Variants in NRF1 observed in about 807,000 individuals in gnomAD.
NRF1 encodes alpha palindromic-binding protein.
Under a neutral mutation model 58.5 loss-of-function variants are expected in NRF1, and 5 were observed. That is an observed-to-expected ratio of 0.09 (90% confidence interval 0.04 to 0.18). The LOEUF is 0.18. Ranked by LOEUF, NRF1 falls within the 10% of genes least tolerant of loss-of-function variation. The pLI, the probability that NRF1 is intolerant of heterozygous loss-of-function variation, is 1.00. For synonymous variants in NRF1, 224 were observed against 246.7 expected (o/e 0.91, Z 0.86); for missense variants, 288 against 657.7 (o/e 0.44, Z 6.15).
At chr7:129,658,414 C>G (rs1369158630) in intron 2 of NRF1, among the ~76,000 whole-genome samples, 1 of 151,868 alleles carries the variant, frequency 6.6e-6, no homozygotes, top group African/African-American at 2.4e-5. Flanking sequence ...CAATGTAGTG[C>G]AATCCCATCT....
At chr7:129,729,473 C>G (rs143490240) in intron 10 of NRF1, among the ~76,000 whole-genome samples, 56 of 152,340 alleles carry the variant, frequency 3.7e-4, no homozygotes, top group African/African-American at 1.3e-3. Flanking sequence ...TCTGTGACTG[C>G]CAGTACTTGC....
rs755171700 is a variant in NRF1, at chr7:129,711,587, G to A, written c.1065+11G>A. 4 of 1,593,062 alleles carry A rather than the reference G, an allele frequency of 2.5e-6. No homozygotes were observed. The South Asian group carries it at 3.4e-5, about 13-fold the overall frequency. On this transcript the variant is annotated intron_variant, in intron 8 of 10. Transcript: ENST00000393232. ...GTGGCTGATGGAGAGGTAAGAAAGAGATTCCATCTGCATCTTCTTAAATAC... is the reference window on the plus strand; with the variant it reads ...GTGGCTGATGGAGAGGTAAGAAAGAAATTCCATCTGCATCTTCTTAAATAC...
chr7:129,673,831 A>T (rs187373980), intron 3 of NRF1, among the ~76,000 whole-genome samples: 161 of 151,300 alleles, frequency 1.1e-3, no homozygotes, highest in African/African-American at 3.1e-3. Flanking sequence ...AAGTAAAATT[A>T]AAAAAAAATT....
chr7:129,741,522 G>A lies in NRF1; in HGVS notation c.1349-13496G>A, dbSNP rs1803846999. ...CATACCAAATCCAGAGCCATAATTGGACAAGTTTAATTGGAGTCATTTCTA... is the reference window on the plus strand; with the variant it reads ...CATACCAAATCCAGAGCCATAATTGAACAAGTTTAATTGGAGTCATTTCTA... On this transcript the variant is annotated intron_variant, in intron 10 of 10. Coordinates refer to ENST00000393232, the MANE Select transcript of NRF1 (RefSeq NM_005011.5). This position sits in a 1 kb window ranked among gnomAD's most constrained non-coding sequence, Gnocchi z 4.0. Among the ~76,000 whole-genome samples the A allele has an allele frequency of 6.6e-6, 1 of 152,090 alleles. No individual in the cohort carries two copies. Among genetic ancestry groups the A allele is most frequent in the Non-Finnish European group, 1.5e-5 (1 of 68,010 alleles).
intron 10 of NRF1, chr7:129,744,345 C>A: frequency 1.3e-6 from 1 of 750,994 alleles, no homozygotes; most frequent in Non-Finnish European, 2.2e-6. Flanking sequence ...GTGCAGTCCC[C>A]CTCACTCGGT....
intron 1 of NRF1, among the ~76,000 whole-genome samples, chr7:129,651,141 G>A (rs1801525108): frequency 6.6e-6 from 1 of 152,136 alleles, no homozygotes; most frequent in African/African-American, 2.4e-5. Flanking sequence ...GGTTAGAGAG[G>A]CCGGGTGCGG....
At chr7:129,752,135 A>T (rs560793718) in intron 10 of NRF1, among the ~76,000 whole-genome samples, 1 of 152,370 alleles carries the variant, frequency 6.6e-6, no homozygotes, top group South Asian at 2.1e-4. Flanking sequence ...GGCCTGTTGC[A>T]GACATGCATC....
At chr7:129,640,773 G>T (rs1254717769) in intron 1 of NRF1, among the ~76,000 whole-genome samples, 1 of 152,042 alleles carries the variant, frequency 6.6e-6, no homozygotes, top group East Asian at 1.9e-4. Context: ...TGTGACTTTG[G>T]GTAACTCACT....
intron 9 of NRF1, among the ~76,000 whole-genome samples, chr7:129,721,608 A>G (rs1212079257): frequency 2.0e-5 from 3 of 151,712 alleles, no homozygotes; most frequent in Admixed American, 6.6e-5. Flanking sequence ...CGGTCTCCCA[A>G]GTAGCTGGGA....
intron 1 of NRF1, among the ~76,000 whole-genome samples, chr7:129,648,219 T>A (rs1353985696): frequency 6.6e-6 from 1 of 151,586 alleles, no homozygotes; most frequent in Non-Finnish European, 1.5e-5. Flanking sequence ...CCTCCATAAC[T>A]CTAAATAATA....
chr7:129,662,383 A>AGTGTGTGTGTGTGT (rs3042950), intron 2 of NRF1, among the ~76,000 whole-genome samples: 3 of 145,744 alleles, frequency 2.1e-5, no homozygotes, highest in African/African-American at 5.0e-5. Context: ...TAGAATTTCT[A>AGTGTGTGTGTGTGT]GTGTGTGTGT....
At chr7:129,747,181 G>A (rs1414381375) in intron 10 of NRF1, among the ~76,000 whole-genome samples, 1 of 152,154 alleles carries the variant, frequency 6.6e-6, no homozygotes, top group African/African-American at 2.4e-5. Context: ...TGCCCTGATT[G>A]TATTTTTCAC....
chr7:129,752,337 C>CTGA (rs1373339043), intron 10 of NRF1, among the ~76,000 whole-genome samples: 1 of 142,284 alleles, frequency 7.0e-6, no homozygotes. Context: ...AAGAGTGTGG[C>CTGA]TGATAGATTG....
chr7:129,682,376 T>C (rs1802335683), intron 4 of NRF1, among the ~76,000 whole-genome samples: 1 of 151,720 alleles, frequency 6.6e-6, no homozygotes, highest in African/African-American at 2.4e-5. Context: ...TGAAGATTGC[T>C]TGAGCCCAGA....
chr7:129,750,386 C>T (rs945975807), intron 10 of NRF1, among the ~76,000 whole-genome samples: 4 of 152,222 alleles, frequency 2.6e-5, no homozygotes, highest in African/African-American at 4.8e-5. Flanking sequence ...TCCAGCCCCT[C>T]CCCCTTTCCC....
intron 1 of NRF1, among the ~76,000 whole-genome samples, chr7:129,620,916 A>G (rs1015851891): frequency 5.8e-4 from 89 of 152,248 alleles, no homozygotes; most frequent in African/African-American, 1.9e-3. Flanking sequence ...TGACCATGAA[A>G]TGAAAATACC....
chr7:129,623,026 A>T (rs1214730608), intron 1 of NRF1, among the ~76,000 whole-genome samples: 1 of 152,148 alleles, frequency 6.6e-6, no homozygotes, highest in African/African-American at 2.4e-5. Context: ...CCTAATACAT[A>T]TTTGTTGAGG....
intron 10 of NRF1, among the ~76,000 whole-genome samples, chr7:129,752,379 C>G (rs906451089): frequency 6.6e-6 from 1 of 151,570 alleles, no homozygotes; most frequent in Non-Finnish European, 1.5e-5. Context: ...GGGTGGGGGG[C>G]ACCTAGAGGA....
chr7:129,674,060 T>C (rs1210903555), intron 3 of NRF1, among the ~76,000 whole-genome samples: 3 of 150,924 alleles, frequency 2.0e-5, no homozygotes, highest in Non-Finnish European at 4.4e-5. Context: ...AGAATAGCTT[T>C]AACCCAGGAG....
Sources: gnomAD v4.1 joint callset for allele counts (sites outside exome capture counted in the v4.1 genomes callset) on GRCh38, gnomAD v4.1.1 for gene constraint, Gnocchi (gnomAD v3.1) non-coding constraint, MANE v1.5 for transcripts, NCBI Gene and HGNC (gene_info 2026-07-23, HGNC 2026-07-21) for gene names.